The following GRIA1 variants were observed in gnomAD, a reference collection of about 807,000 sequenced individuals.
The protein encoded by GRIA1 is glutamate ionotropic receptor AMPA type subunit 1.
GRIA1 carries 31 observed loss-of-function variants against 99.2 expected under a neutral mutation model. That is an observed-to-expected ratio of 0.31 (90% CI 0.23 to 0.42). The LOEUF (loss-of-function observed/expected upper bound fraction) is 0.42. Among genes scored for constraint, GRIA1 ranks in the 10% least tolerant of loss-of-function variants. The probability of loss-of-function intolerance (pLI) is 1.00; values close to 1 mark genes in which losing one functional copy is unlikely to be tolerated. For synonymous variants in GRIA1, 438 were observed against 432.4 expected, an observed-to-expected ratio of 1.01 and a Z score of -0.16; for missense variants, 782 against 1,157.5, an observed-to-expected ratio of 0.68 and a Z score of 4.71.
chr5:153,696,386 C>T (rs367674957), intron 8 of GRIA1, among the ~76,000 whole-genome samples: 1 of 152,150 alleles, frequency 6.6e-6, no homozygotes, highest in Non-Finnish European at 1.5e-5. Context: ...TAAATGCAGC[C>T]TCTGGAGAGA....
chr5:153,607,052 T>C (rs1765507949), intron 2 of GRIA1, among the ~76,000 whole-genome samples: 1 of 146,192 alleles, frequency 6.8e-6, no homozygotes, highest in African/African-American at 2.5e-5. Context: ...GATATATATA[T>C]ATATATATAT....
rs556168478 is a variant in GRIA1, at chr5:153,546,257, C to G, written c.220+52192C>G. On this transcript the variant is annotated intron_variant, in intron 2 of 15. Transcript: ENST00000285900. ...AGTCCCTTCAATCTAGAGGAATCATCATTGTGCAAACATCAGGGAAGAGAT... is the reference window on the plus strand; with the variant it reads ...AGTCCCTTCAATCTAGAGGAATCATGATTGTGCAAACATCAGGGAAGAGAT... Among the ~76,000 whole-genome samples, 422 of 152,266 alleles carry G rather than the reference C, an allele frequency of 2.8e-3. 2 individuals are homozygous for G. Among genetic ancestry groups the G allele is most frequent in the South Asian group, 0.014 (67 of 4,822 alleles).
chr5:153,781,423 C>G (rs902202460), intron 13 of GRIA1, among the ~76,000 whole-genome samples: 10 of 152,098 alleles, frequency 6.6e-5, no homozygotes, highest in African/African-American at 2.2e-4. Flanking sequence ...CAACTTTCCC[C>G]CACTCCTGTA....
intron 11 of GRIA1, among the ~76,000 whole-genome samples, chr5:153,731,628 T>A (rs1761034068): frequency 6.6e-6 from 1 of 152,118 alleles, no homozygotes; most frequent in African/African-American, 2.4e-5. Flanking sequence ...ATAAAAATTA[T>A]ATATATTTAA....
At chr5:153,649,075 C>G (rs1042730497) in intron 3 of GRIA1, among the ~76,000 whole-genome samples, 1 of 152,126 alleles carries the variant, frequency 6.6e-6, no homozygotes, top group African/African-American at 2.4e-5. Context: ...AAGACGACCA[C>G]CATTACTGGC....
At chr5:153,791,277 AAAAAAAAAAATTAATAG>A (rs971877543) in intron 13 of GRIA1, among the ~76,000 whole-genome samples, 1 of 151,788 alleles carries the variant, frequency 6.6e-6, no homozygotes, top group Non-Finnish European at 1.5e-5. Context: ...TCTACCAAAA[AAAAAAAAAAATTAATAG>A]AAAAGAAAAG....
At chr5:153,678,530 A>T (rs373347145) in intron 7 of GRIA1, among the ~76,000 whole-genome samples, 3 of 152,170 alleles carry the variant, frequency 2.0e-5, no homozygotes, top group Non-Finnish European at 2.9e-5. Context: ...GGCAGCTTGC[A>T]GGGGAAAATT....
chr5:153,742,945 T>C (rs942911437), intron 11 of GRIA1, among the ~76,000 whole-genome samples: 10 of 152,212 alleles, frequency 6.6e-5, no homozygotes, highest in African/African-American at 2.4e-4. Context: ...GATTAGAGCA[T>C]AGATGTTTTT....
chr5:153,708,109 G>A (rs1400453125), intron 11 of GRIA1, among the ~76,000 whole-genome samples: 2 of 152,098 alleles, frequency 1.3e-5, no homozygotes, highest in South Asian at 2.1e-4. Flanking sequence ...TGATCTCAGG[G>A]TGTGTTTTCT....
chr5:153,657,227 A>T (rs908560094), intron 5 of GRIA1, among the ~76,000 whole-genome samples: 5 of 152,228 alleles, frequency 3.3e-5, no homozygotes, highest in African/African-American at 1.2e-4. Context: ...GGGTTATATG[A>T]TAACTCTATG....
At chr5:153,699,652 T>C (rs1758369743) in intron 10 of GRIA1, among the ~76,000 whole-genome samples, 1 of 152,212 alleles carries the variant, frequency 6.6e-6, no homozygotes, top group Admixed American at 6.5e-5. Flanking sequence ...TGCCTTTTAA[T>C]TGTTCTCGCC....
chr5:153,627,588 G>A (rs1767755326), intron 2 of GRIA1, among the ~76,000 whole-genome samples: 2 of 152,078 alleles, frequency 1.3e-5, no homozygotes, highest in South Asian at 2.1e-4. Context: ...TGGGGCAAGC[G>A]ATGCTCTCTG....
chr5:153,752,430 G>C (rs1003005689), intron 11 of GRIA1, among the ~76,000 whole-genome samples: 5 of 152,158 alleles, frequency 3.3e-5, no homozygotes, highest in African/African-American at 1.2e-4. Context: ...AACTAAGATA[G>C]TAGAATAATT....
intron 2 of GRIA1, among the ~76,000 whole-genome samples, chr5:153,558,316 T>C (rs1760830004): frequency 6.6e-6 from 1 of 152,320 alleles, no homozygotes. Context: ...ATATAGTCAT[T>C]TAACCACCAT....
At position 153,724,618 on chromosome 5, in the gene GRIA1, G is replaced by A. The variant is rs1326429223; in HGVS notation, c.1823+18551G>A. 9.2e-5 allele frequency among the ~76,000 whole-genome samples: 14 copies of A among 152,324 alleles called. No homozygotes were observed. In the South Asian group the frequency reaches 2.1e-3, roughly 23 times the overall value. On this transcript the variant is annotated intron_variant, in intron 11 of 15. Coordinates refer to ENST00000285900, the MANE Select transcript of GRIA1 (RefSeq NM_000827.4). ...GAAGAATGCAGAAGCCTCAGGAGCC[G>A]ATGCGATCAACTGGAAGAAAGGGTA...
At chr5:153,718,216 A>G (rs1240052896) in intron 11 of GRIA1, among the ~76,000 whole-genome samples, 2 of 152,230 alleles carry the variant, frequency 1.3e-5, no homozygotes, top group Non-Finnish European at 2.9e-5. Flanking sequence ...AAGGAGAAAA[A>G]TAGATAATAA....
At chr5:153,791,833 A>G (rs1765321388) in intron 13 of GRIA1, among the ~76,000 whole-genome samples, 1 of 152,000 alleles carries the variant, frequency 6.6e-6, no homozygotes, top group African/African-American at 2.4e-5. Flanking sequence ...AGTTTACCAA[A>G]TAGCTGAGAC....
chr5:153,699,873 A>T (rs971841081), intron 10 of GRIA1, among the ~76,000 whole-genome samples: 5 of 152,320 alleles, frequency 3.3e-5, no homozygotes, highest in African/African-American at 1.2e-4. Context: ...GCATTTGGGG[A>T]ATTATTGAGA....
At chr5:153,688,289 CA>C in intron 8 of GRIA1, among the ~76,000 whole-genome samples, 1 of 152,148 alleles carries the variant, frequency 6.6e-6, no homozygotes, top group Non-Finnish European at 1.5e-5. Context: ...ACTTCTTCAG[CA>C]AACTTTTGGC....
Sources: allele counts gnomAD v4.1 joint callset (sites outside exome capture counted in the v4.1 genomes callset), GRCh38; gene constraint gnomAD v4.1.1; transcripts MANE v1.5; gene names NCBI Gene and HGNC (gene_info 2026-07-23, HGNC 2026-07-21).